The following MCM9 variants were observed in gnomAD, a reference collection of about 807,000 sequenced individuals.
MCM9 encodes the protein minichromosome maintenance 9 homologous recombination repair factor.
A neutral mutation model predicts 72.8 loss-of-function variants in MCM9; 55 were observed. The ratio of observed to expected loss-of-function variants is 0.76; its 90% CI spans 0.61 to 0.95. MCM9 has a LOEUF of 0.95. MCM9 is among the 40% of genes least tolerant of loss of function. The pLI is 0.00. For synonymous variants in MCM9, 480 were observed against 503.4 expected (o/e 0.95, Z 0.62); for missense variants, 1,279 against 1,377.0 (o/e 0.93, Z 1.13).
chr6:118,928,764 A>T (rs1260523048), intron 3 of MCM9, among the ~76,000 whole-genome samples: 1 of 151,432 alleles, frequency 6.6e-6, no homozygotes, highest in Non-Finnish European at 1.5e-5. Context: ...AGGTGGGAGG[A>T]TCGCTTGAGC....
intron 9 of MCM9, among the ~76,000 whole-genome samples, chr6:118,853,784 G>C (rs1456012829): frequency 6.6e-6 from 1 of 152,206 alleles, no homozygotes; most frequent in Non-Finnish European, 1.5e-5. Flanking sequence ...GGGCAACAAA[G>C]TGAGACTCTG....
In MCM9 at chr6:118,815,441, T is replaced by C. The variant is rs1317822640; in HGVS notation, c.2815A>G (p.Ser939Gly). ...TTAGTTGCACCAGGTGACACATGGC[T>C]GTGATCTTCAAAGGAGTGGATCAGT... is the stretch of plus-strand genomic sequence containing the variant. ...SKLIHSFEDH[S>G]HVSPGATKIA... is the part of the protein sequence containing the mutation. Residue 939 changes from serine (S) to glycine (G), a missense_variant, in exon 14 of 14, where the codon AGC becomes GGC. Physicochemically the swap from Ser to Gly is moderately conservative, Grantham distance 56. Coordinates refer to ENST00000619706, the MANE Select transcript of MCM9 (RefSeq NM_017696.3). 1.3e-6 allele frequency: 2 copies of C among 1,550,420 alleles called. No homozygotes were observed. Among genetic ancestry groups the C allele is most frequent in the African/African-American group, 2.7e-5 (2 of 73,040 alleles).
At chr6:118,922,802 T>C (rs1781538671) in intron 4 of MCM9, among the ~76,000 whole-genome samples, 1 of 151,798 alleles carries the variant, frequency 6.6e-6, no homozygotes, top group South Asian at 2.1e-4. Context: ...GAGGCCGAGG[T>C]GGGTGGATCA....
chr6:118,864,556 G>A (rs1397167122), intron 8 of MCM9, among the ~76,000 whole-genome samples: 2 of 151,824 alleles, frequency 1.3e-5, no homozygotes, highest in African/African-American at 4.8e-5. Context: ...TACACACTGG[G>A]CGACTAAGAA....
chr6:118,837,385 C>T (rs528910566), intron 9 of MCM9, among the ~76,000 whole-genome samples: 45 of 152,176 alleles, frequency 3.0e-4, no homozygotes, highest in African/African-American at 5.3e-4. Flanking sequence ...CTATTAGGTC[C>T]GCTTGGTCCA....
intron 3 of MCM9, among the ~76,000 whole-genome samples, chr6:118,930,508 T>C (rs1782331685): frequency 6.6e-6 from 1 of 152,244 alleles, no homozygotes; most frequent in Non-Finnish European, 1.5e-5. Flanking sequence ...TTTTACCAAA[T>C]CTTTCTTTCA....
intron 8 of MCM9, among the ~76,000 whole-genome samples, chr6:118,861,251 C>T (rs1308996779): frequency 1.3e-5 from 2 of 152,202 alleles, no homozygotes; most frequent in South Asian, 2.1e-4. Flanking sequence ...CCCAAAAACT[C>T]GGAGACACCA....
At position 118,816,122 on chromosome 6, in the gene MCM9, G is replaced by T. The variant is rs909151147; in HGVS notation, c.2134C>A (p.Pro712Thr). 7 of 1,550,196 alleles carry T rather than the reference G, an allele frequency of 4.5e-6. No homozygotes were observed. The highest frequency in any genetic ancestry group is 3.9e-5 in the Admixed American group (2 of 50,960). The part of the protein sequence containing the change: ...FSPGGSPEGS[P>T]VLDPPPHLEP... ...AGATGCGGTGGGGGATCTAGAACTG[G>T]GCTTCCCTCGGGGCTGCCTCCAGGA... The change falls in exon 14 of 14, where the codon CCA becomes ACA. Residue 712 changes from proline to threonine, a missense_variant. By Grantham distance (38) the Pro-to-Thr change is conservative. Coordinates refer to ENST00000619706, the MANE Select transcript of MCM9 (RefSeq NM_017696.3).
In MCM9 at chr6:118,815,998, C is replaced by G; in HGVS notation, c.2258G>C (p.Ser753Thr). 1.3e-6 allele frequency: 2 copies of G among 1,550,544 alleles called. No homozygotes were observed. The highest frequency in any genetic ancestry group is 1.7e-6 in the Non-Finnish European group (2 of 1,146,956). ...DWFDFMATHQ[S>T]EPKNTVVVSP... The stretch of plus-strand genomic sequence containing the variant: ...CACAACAACAGTGTTTTTAGGTTCA[C>G]TCTGATGAGTTGCCATGAAATCAAA... The change falls in exon 14 of 14, where the codon AGT becomes ACT. Residue 753 changes from serine (S) to threonine (T), a missense_variant. Physicochemically the swap from Ser to Thr is moderately conservative, Grantham distance 58. Transcript: ENST00000619706.
intron 4 of MCM9, among the ~76,000 whole-genome samples, chr6:118,923,101 C>A (rs551077184): frequency 4.5e-4 from 67 of 148,204 alleles, no homozygotes; most frequent in African/African-American, 1.6e-3. Flanking sequence ...GAGTTCTCAA[C>A]AGTGAACTAG....
intron 8 of MCM9, among the ~76,000 whole-genome samples, chr6:118,895,701 C>G (rs1361301716): frequency 6.6e-6 from 1 of 152,028 alleles, no homozygotes; most frequent in East Asian, 1.9e-4. Flanking sequence ...TTATCTTTTA[C>G]TAAAGTAATT....
rs59630533 is a variant in MCM9, at chr6:118,814,390, C to CAAAAAAAAAAAAAA, written c.*420_*433dup. On this transcript the variant is annotated 3_prime_UTR_variant, in exon 14 of 14. Coordinates refer to ENST00000619706, the MANE Select transcript of MCM9 (RefSeq NM_017696.3). ...ACTTAGCCCATTCCAGGTGAAAATA[C>CAAAAAAAAAAAAAA]AAAAAAAAAAAAAAAAAGTAGAAAA... 1.2e-5 allele frequency: 1 copy of CAAAAAAAAAAAAAA among 80,382 alleles called. No homozygotes were observed. The allele number at this position is 80,382 out of a possible 1,614,324, so 5.0% of individuals were successfully genotyped here. A position where few individuals can be genotyped will look rare whatever the true frequency, so the allele number is the denominator to read the frequency against.
chr6:118,930,072 T>C (rs1377103525), intron 3 of MCM9, among the ~76,000 whole-genome samples: 1 of 151,184 alleles, frequency 6.6e-6, no homozygotes, highest in Non-Finnish European at 1.5e-5. Context: ...TTCTCAAATG[T>C]ACTATAAGGT....
chr6:118,900,650 A>G (rs185586987), intron 8 of MCM9: 9 of 733,332 alleles, frequency 1.2e-5, no homozygotes, highest in Admixed American at 8.1e-5. Context: ...CTGGATTGCT[A>G]TGAGAAGCCA....
intron 8 of MCM9, chr6:118,894,452 T>C: frequency 6.5e-7 from 1 of 1,537,174 alleles, no homozygotes; most frequent in East Asian, 2.4e-5. Flanking sequence ...TGGTGCTGGA[T>C]AACCCTTCTC....
intron 13 of MCM9, among the ~76,000 whole-genome samples, chr6:118,825,899 T>C (rs1027766127): frequency 3.3e-5 from 5 of 152,164 alleles, no homozygotes; most frequent in African/African-American, 1.2e-4. Flanking sequence ...GAATGTCTGA[T>C]ACCCAGAAAA....
At chr6:118,910,131 AAAAAG>A (rs1241873170) in intron 8 of MCM9, among the ~76,000 whole-genome samples, 4 of 151,820 alleles carry the variant, frequency 2.6e-5, no homozygotes, top group Admixed American at 6.6e-5. Context: ...AAAAAAAAAA[AAAAAG>A]ACTCCATAAC....
At chr6:118,911,294 T>C in intron 8 of MCM9, 1 of 1,010,328 alleles carries the variant, frequency 9.9e-7, no homozygotes, top group Non-Finnish European at 1.2e-6. Context: ...CTCTATACCA[T>C]CTATCTACTT....
At chr6:118,843,698 A>G (rs1775641336) in intron 9 of MCM9, among the ~76,000 whole-genome samples, 5 of 91,602 alleles carry the variant, frequency 5.5e-5, no homozygotes, top group South Asian at 7.4e-4. Context: ...GTATATATAT[A>G]TATATGTATG....
Sources: allele counts gnomAD v4.1 joint callset (sites outside exome capture counted in the v4.1 genomes callset), GRCh38; gene constraint gnomAD v4.1.1; transcripts MANE v1.5; gene names NCBI Gene and HGNC (gene_info 2026-07-23, HGNC 2026-07-21).